EPHA4: variants seen among roughly 807,000 people sequenced by gnomAD.
EPHA4 encodes the protein ephrin type-A receptor 4.
A neutral mutation model predicts 108.3 loss-of-function variants in EPHA4; 19 were observed. The observed-to-expected ratio is 0.18, with a 90% CI of 0.12 to 0.26. The LOEUF (loss-of-function observed/expected upper bound fraction) is 0.26. EPHA4 is among the 10% of genes least tolerant of loss of function. The pLI is 1.00. For synonymous variants in EPHA4, 449 were observed against 455.5 expected (o/e 0.99, Z 0.18); for missense variants, 917 against 1,254.0 (o/e 0.73, Z 4.06).
chr2:221,505,711 G>T (rs1285106899), intron 3 of EPHA4, among the ~76,000 whole-genome samples: 1 of 152,126 alleles, frequency 6.6e-6, no homozygotes, highest in African/African-American at 2.4e-5. Flanking sequence ...TGCTGCTCTA[G>T]AAGCTAGAGT....
chr2:221,482,277 T>C, intron 5 of EPHA4, 75 bp downstream of exon 5: 1 of 1,312,272 alleles, frequency 7.6e-7, no homozygotes, highest in Non-Finnish European at 1.0e-6. Context: ...TTATAGCAAT[T>C]TATTATAATT....
chr2:221,500,211 G>A (rs529682496), intron 4 of EPHA4, among the ~76,000 whole-genome samples: 1 of 152,114 alleles, frequency 6.6e-6, no homozygotes, highest in African/African-American at 2.4e-5. Flanking sequence ...CAGCCACCCA[G>A]CTACACAACA....
chr2:221,541,552 T>C (rs1041975187), intron 3 of EPHA4, among the ~76,000 whole-genome samples: 2 of 152,268 alleles, frequency 1.3e-5, no homozygotes, highest in South Asian at 2.1e-4. Flanking sequence ...GAAGTAGCTG[T>C]AGTTTGTGGG....
chr2:221,460,078 A>C (rs1180411202), intron 5 of EPHA4, among the ~76,000 whole-genome samples: 1 of 152,162 alleles, frequency 6.6e-6, no homozygotes, highest in Non-Finnish European at 1.5e-5. Context: ...TTTAAAGGGA[A>C]TATGAACTCA....
Position 221,482,415 on chromosome 2 carries a change from C to T in EPHA4, c.1255G>A (p.Val419Met), listed in dbSNP as rs1691845838. The T allele has an allele frequency of 1.2e-6, 2 of 1,613,934 alleles. No homozygotes were observed. The highest frequency in any genetic ancestry group is 1.7e-6 in the Non-Finnish European group (2 of 1,179,986). The change falls in exon 5 of 18, where the codon GTG becomes ATG. Residue 419 changes from valine to methionine, a missense_variant. Coordinates refer to ENST00000281821, the MANE Select transcript of EPHA4 (RefSeq NM_004438.5). Reference protein sequence around the residue: ...YTFEIWAVNGVSKYNPNPDQS... With the variant: ...YTFEIWAVNGMSKYNPNPDQS... ...TCTGGGTTAGGGTTATATTTGGACA[C>T]TCCATTCACAGCCCAGATTTCAAAG...
chr2:221,428,738 T>C (rs1326162083), intron 15 of EPHA4, among the ~76,000 whole-genome samples: 1 of 152,194 alleles, frequency 6.6e-6, no homozygotes, highest in African/African-American at 2.4e-5. Flanking sequence ...TTAGTTCACA[T>C]AGTGACCAAG....
intron 3 of EPHA4, among the ~76,000 whole-genome samples, chr2:221,504,617 G>T (rs1334586442): frequency 6.6e-6 from 1 of 151,788 alleles, no homozygotes; most frequent in African/African-American, 2.4e-5. Flanking sequence ...GATAGTATCT[G>T]ATTGTCTTTA....
At chr2:221,479,151 G>A (rs1420302981) in intron 5 of EPHA4, among the ~76,000 whole-genome samples, 1 of 152,190 alleles carries the variant, frequency 6.6e-6, no homozygotes, top group Admixed American at 6.5e-5. Flanking sequence ...TGGGGAGAAT[G>A]CCAAGCTGAA....
chr2:221,566,842 GAGA>G (rs1241663749), intron 2 of EPHA4, among the ~76,000 whole-genome samples: 3 of 38,352 alleles, frequency 7.8e-5, no homozygotes, highest in African/African-American at 2.1e-4. Context: ...GGAGAAGAAG[GAGA>G]AGGAGAAGGA....
In EPHA4 at chr2:221,443,464, C is replaced by T. The variant is rs758031927; in HGVS notation, c.1888+29G>A. On this transcript the variant is annotated intron_variant, in intron 10 of 17. Transcript: ENST00000281821. ...TTAACATCCACCAAGAAAACAGACT[C>T]ATTAGCAGACGGACACTCAGACACT... The T allele has an allele frequency of 3.3e-6, 5 of 1,513,424 alleles. No homozygotes were observed. The Admixed American group carries it at 6.7e-5, about 20-fold the overall frequency. 93.7% of individuals were successfully genotyped at this position (1,513,424 alleles called of 1,614,324 possible).
At position 221,528,306 on chromosome 2, in the gene EPHA4, G is replaced by T. The variant is rs28688077; in HGVS notation, c.824-27134C>A. Among the ~76,000 whole-genome samples the T allele has an allele frequency of 3.2e-3, 482 of 152,276 alleles. 3 individuals carry two copies. Among genetic ancestry groups the T allele is most frequent in the African/African-American group, 0.011 (466 of 41,540 alleles). ...AAATAGCAAATACTAGCCTTGCTAC[G>T]CTGCCTCCCTAGTAATAATCCAGGC... On this transcript the variant is annotated intron_variant, in intron 3 of 17. Transcript: ENST00000281821.
chr2:221,497,820 G>A lies in EPHA4; in HGVS notation c.979+3197C>T, dbSNP rs181243143. ...TGTAGGAGAAGGAGTTCCAAGAGCAGGTATTTTCATGGACCTTTTAACAAT... is the reference window on the plus strand; with the variant it reads ...TGTAGGAGAAGGAGTTCCAAGAGCAAGTATTTTCATGGACCTTTTAACAAT... On this transcript the variant is annotated intron_variant, in intron 4 of 17. Coordinates refer to ENST00000281821, the MANE Select transcript of EPHA4 (RefSeq NM_004438.5). Among the ~76,000 whole-genome samples, 22 of 152,246 alleles carry A rather than the reference G, an allele frequency of 1.4e-4. 1 individual carries two copies. Among genetic ancestry groups the A allele is most frequent in the African/African-American group, 5.1e-4 (21 of 41,552 alleles).
intron 8 of EPHA4, among the ~76,000 whole-genome samples, chr2:221,452,600 C>T (rs571462732): frequency 2.6e-5 from 4 of 152,224 alleles, no homozygotes; most frequent in South Asian, 2.1e-4. Flanking sequence ...GCTTTACGGC[C>T]GACACTAAAG....
At chr2:221,437,794 G>C (rs1421445565) in intron 11 of EPHA4, among the ~76,000 whole-genome samples, 3 of 151,516 alleles carry the variant, frequency 2.0e-5, no homozygotes, top group Admixed American at 2.0e-4. Context: ...ATGGTGGCAG[G>C]CGCCTGTAAT....
intron 11 of EPHA4, among the ~76,000 whole-genome samples, chr2:221,439,790 C>A (rs1410494529): frequency 6.6e-6 from 1 of 152,174 alleles, no homozygotes; most frequent in Non-Finnish European, 1.5e-5. Flanking sequence ...TGCATTTCAC[C>A]AGATCCCTCT....
intron 3 of EPHA4, among the ~76,000 whole-genome samples, chr2:221,542,763 A>G (rs1693874094): frequency 6.6e-6 from 1 of 152,236 alleles, no homozygotes; most frequent in Non-Finnish European, 1.5e-5. Flanking sequence ...ACTAAAATAC[A>G]TAACCCTTTA....
rs889206277 is a variant in EPHA4 at position 221,571,464 on chromosome 2, C to A, written c.91+694G>T. ...CTCTAAACTGTGTGCAATTCTGGGG[C>A]GAAAAGCTAAAACTCGACTGCGTTC... On this transcript the variant is annotated intron_variant, in intron 1 of 17. Coordinates refer to ENST00000281821, the MANE Select transcript of EPHA4 (RefSeq NM_004438.5). This position sits in a 1 kb window ranked among gnomAD's most constrained non-coding sequence, Gnocchi z 6.3. Among the ~76,000 whole-genome samples, 7 of 152,210 alleles carry A rather than the reference C, an allele frequency of 4.6e-5. No homozygotes were observed. The highest frequency in any genetic ancestry group is 1.0e-4 in the Non-Finnish European group (7 of 68,046).
chr2:221,475,275 T>C (rs908381541), intron 5 of EPHA4, among the ~76,000 whole-genome samples: 2 of 152,230 alleles, frequency 1.3e-5, no homozygotes, highest in Non-Finnish European at 2.9e-5. Flanking sequence ...CAGTGAAGCA[T>C]GTCTCACATA....
chr2:221,563,600 C>T (rs762148519), intron 3 of EPHA4, 131 bp downstream of exon 3: 1 of 1,024,912 alleles, frequency 9.8e-7, no homozygotes, highest in Non-Finnish European at 1.4e-6. Context: ...AGCACTTACT[C>T]ATTAGACCCC....
Sources: gnomAD v4.1 joint callset for allele counts (sites outside exome capture counted in the v4.1 genomes callset) on GRCh38, gnomAD v4.1.1 for gene constraint, Gnocchi (gnomAD v3.1) non-coding constraint, MANE v1.5 for transcripts, NCBI Gene and HGNC (gene_info 2026-07-23, HGNC 2026-07-21) for gene names.